The following SBF2 variants were observed in gnomAD, a reference collection of about 807,000 sequenced individuals.
SBF2 encodes the protein SET binding factor 2, also known as myotubularin-related protein 13.
SBF2 carries 112 observed loss-of-function variants against 225.2 expected under a neutral mutation model. The ratio of observed to expected loss-of-function variants is 0.50; its 90% CI spans 0.43 to 0.58. The LOEUF is 0.58. Among genes scored for constraint, SBF2 ranks in the 20% least tolerant of loss-of-function variants. The probability of loss-of-function intolerance (pLI) is 0.00; values close to 1 mark genes in which losing one functional copy is unlikely to be tolerated. For missense variants in SBF2, 1,996 were observed against 2,206.2 expected (o/e 0.90, Z 1.91); for synonymous variants, 763 against 773.3 (o/e 0.99, Z 0.22).
intron 1 of SBF2, among the ~76,000 whole-genome samples, chr11:10,270,481 T>C (rs547739157): frequency 1.3e-5 from 2 of 152,274 alleles, no homozygotes; most frequent in South Asian, 4.1e-4. Context: ...ATTGTCCTCA[T>C]GTTGAGTAGG....
rs763604615 is a variant in SBF2, at chr11:9,808,207, T to C, written c.4258-22A>G. ...TCACCTAGGGCATAAGCAGGATGGA[T>C]TGTCATTAATTTTAGTTCTGAAAAA... is the stretch of plus-strand genomic sequence containing the variant. On this transcript the variant is annotated intron_variant, in intron 31 of 39. Coordinates refer to ENST00000256190, the MANE Select transcript of SBF2 (RefSeq NM_030962.4). 1.2e-5 allele frequency: 20 copies of C among 1,607,060 alleles called. No individual in the cohort carries two copies. In the East Asian group the frequency reaches 2.5e-4, roughly 20 times the overall value.
At chr11:9,792,144 T>C (rs1490843006) in intron 33 of SBF2, among the ~76,000 whole-genome samples, 2 of 152,170 alleles carry the variant, frequency 1.3e-5, no homozygotes, top group Non-Finnish European at 2.9e-5. Flanking sequence ...TTAAAAATTA[T>C]GACTCAGCGT....
chr11:10,143,153 A>G (rs1340656961), intron 2 of SBF2, among the ~76,000 whole-genome samples: 1 of 151,888 alleles, frequency 6.6e-6, no homozygotes, highest in Non-Finnish European at 1.5e-5. Context: ...TTAATTTGAC[A>G]TTGTAGGCTC....
chr11:10,215,678 C>T (rs1162431144), intron 1 of SBF2, among the ~76,000 whole-genome samples: 1 of 152,050 alleles, frequency 6.6e-6, no homozygotes, highest in Non-Finnish European at 1.5e-5. Context: ...CAACATTCTC[C>T]CACACTTACT....
chr11:10,266,388 C>T (rs2135525465), intron 1 of SBF2, among the ~76,000 whole-genome samples: 1 of 152,284 alleles, frequency 6.6e-6, no homozygotes, highest in South Asian at 2.1e-4. Flanking sequence ...ACACTGATCA[C>T]TATGGGGAGG....
chr11:10,181,134 T>A (rs930103506), intron 2 of SBF2, among the ~76,000 whole-genome samples: 1 of 152,196 alleles, frequency 6.6e-6, no homozygotes, highest in South Asian at 2.1e-4. Flanking sequence ...TAGGGCTTAG[T>A]CTATTAATTT....
At chr11:10,221,711 A>G (rs1468308574) in intron 1 of SBF2, among the ~76,000 whole-genome samples, 1 of 152,212 alleles carries the variant, frequency 6.6e-6, no homozygotes, top group Non-Finnish European at 1.5e-5. Flanking sequence ...ATAGGTATAT[A>G]CCAAAATATA....
At chr11:10,025,371 A>C (rs1949013783) in intron 6 of SBF2, among the ~76,000 whole-genome samples, 1 of 151,932 alleles carries the variant, frequency 6.6e-6, no homozygotes, top group African/African-American at 2.4e-5. Flanking sequence ...TCAAATTATG[A>C]GAGCTTTATA....
At chr11:10,150,188 C>T (rs1026277303) in intron 2 of SBF2, among the ~76,000 whole-genome samples, 1 of 152,098 alleles carries the variant, frequency 6.6e-6, no homozygotes, top group South Asian at 2.1e-4. Flanking sequence ...CCCTTCTCAG[C>T]CCACAGATGG....
chr11:10,271,691 A>C (rs1430673446), intron 1 of SBF2, among the ~76,000 whole-genome samples: 1 of 124,562 alleles, frequency 8.0e-6, no homozygotes, highest in Non-Finnish European at 1.9e-5. Context: ...TTTCCTTCCT[A>C]AAATGTAAAC....
chr11:9,886,062 A>T (rs905021131), intron 17 of SBF2, among the ~76,000 whole-genome samples: 1 of 152,242 alleles, frequency 6.6e-6, no homozygotes, highest in Admixed American at 6.5e-5. Context: ...TCTAAAAAGA[A>T]AATGTACTTG....
At chr11:9,809,347 A>G (rs1590133418) in intron 30 of SBF2, 1 of 257,358 alleles carries the variant, frequency 3.9e-6, no homozygotes, top group Non-Finnish European at 7.6e-6. Context: ...GACACATTTT[A>G]AAACAATACA....
chr11:10,166,445 G>A (rs7104591), intron 2 of SBF2, among the ~76,000 whole-genome samples: 16,167 of 151,984 alleles, frequency 0.11, 1,020 homozygotes, highest in Non-Finnish European at 0.11. Context: ...TGTCAAGCGG[G>A]GGTGGGCAGG....
chr11:10,161,356 T>C (rs1264708287), intron 2 of SBF2, among the ~76,000 whole-genome samples: 1 of 152,160 alleles, frequency 6.6e-6, no homozygotes, highest in Non-Finnish European at 1.5e-5. Flanking sequence ...CCAGTTATAC[T>C]GCCTCTTCTT....
chr11:9,888,678 T>A (rs1189815207), intron 17 of SBF2, among the ~76,000 whole-genome samples: 1 of 152,140 alleles, frequency 6.6e-6, no homozygotes, highest in Non-Finnish European at 1.5e-5. Context: ...GCAGGAGTGA[T>A]GTCAACTCAG....
At chr11:10,092,585 GT>G (rs1291434887) in intron 2 of SBF2, among the ~76,000 whole-genome samples, 1 of 152,142 alleles carries the variant, frequency 6.6e-6, no homozygotes, top group Non-Finnish European at 1.5e-5. Flanking sequence ...TCACAGATCT[GT>G]TTTCGCTAAC....
intron 17 of SBF2, among the ~76,000 whole-genome samples, chr11:9,865,688 C>CAAAAAA (rs1174863548): frequency 0.049 from 720 of 14,804 alleles, 182 homozygotes; most frequent in Admixed American, 0.07. Context: ...AAAACTGTCT[C>CAAAAAA]AAAAAAAAAA....
At chr11:10,242,129 T>C (rs1432614197) in intron 1 of SBF2, among the ~76,000 whole-genome samples, 2 of 151,888 alleles carry the variant, frequency 1.3e-5, no homozygotes, top group Non-Finnish European at 2.9e-5. Flanking sequence ...GGACTGGTCC[T>C]AGCACCAAAG....
At chr11:9,976,403 T>G (rs1478942199) in intron 13 of SBF2, among the ~76,000 whole-genome samples, 3 of 152,122 alleles carry the variant, frequency 2.0e-5, no homozygotes, top group Non-Finnish European at 4.4e-5. Context: ...CACAGAATTT[T>G]AAGTTCTTTA....
Sources: allele counts gnomAD v4.1 joint callset (sites outside exome capture counted in the v4.1 genomes callset), GRCh38; gene constraint gnomAD v4.1.1; transcripts MANE v1.5; gene names NCBI Gene and HGNC (gene_info 2026-07-23, HGNC 2026-07-21).